Variants in ZNF778 observed in about 807,000 individuals in gnomAD.
The protein encoded by ZNF778 is zinc finger protein 778.
Under a neutral mutation model 23.9 loss-of-function variants are expected in ZNF778, and 37 were observed. That is an observed-to-expected ratio of 1.54 (90% CI 1.19 to 2.03). The LOEUF (loss-of-function observed/expected upper bound fraction) is 2.03. ZNF778 is among the 30% of genes most tolerant of loss of function. The pLI, the probability that ZNF778 is intolerant of heterozygous loss-of-function variation, is 0.00. For synonymous variants in ZNF778, 483 were observed against 343.9 expected (o/e 1.40, Z -4.48); for missense variants, 1,297 against 934.4 (o/e 1.39, Z -5.06).
Position 89,232,850 on chromosome 16 carries a change from G to A in ZNF778, c.*4288G>A, listed in dbSNP as rs1170079099. On this transcript the variant is annotated 3_prime_UTR_variant, in exon 7 of 7. Transcript: ENST00000433976. ...CCGTATATGCAACTCAACTCACACC[G>A]TGTATGCAAATCAACTCGCACTGCG... The A allele has an allele frequency of 2.3e-5, 30 of 1,288,958 alleles. No homozygotes were observed. Among genetic ancestry groups the A allele is most frequent in the Non-Finnish European group, 2.7e-5 (27 of 988,646 alleles). 79.8% of individuals were successfully genotyped at this position (1,288,958 alleles called of 1,614,324 possible).
Position 89,223,219 on chromosome 16 carries a change from C to T in ZNF778, c.180C>T (p.Asp60=), listed in dbSNP as rs755373982. 6.2e-7 allele frequency: 1 copy of T among 1,614,026 alleles called. No homozygotes were observed. The highest frequency in any genetic ancestry group is 8.5e-7 in the Non-Finnish European group (1 of 1,179,958). ...CCCAGGAGGAATGGACTTTACTGGA[C>T]CCATCTCAGAGAGACCTCTACAGAG... ...DFTQEEWTLL[D]PSQRDLYRDV... is the part of the protein sequence containing the mutation. The change falls in exon 4 of 7, where the codon GAC becomes GAT. Residue 60 remains aspartate (D), a synonymous_variant. Coordinates refer to ENST00000433976, the MANE Select transcript of ZNF778 (RefSeq NM_001201407.2).
chr16:89,220,289 G>T (rs56051960), intron 1 of ZNF778, among the ~76,000 whole-genome samples: 14,630 of 152,178 alleles, frequency 0.096, 927 homozygotes, highest in African/African-American at 0.18. Flanking sequence ...TCACCTCATC[G>T]GTAGAATAAG....
At position 89,228,241 on chromosome 16, in the gene ZNF778, G is replaced by A; in HGVS notation, c.1953G>A (p.Gly651=). Residue 651 remains glycine (G), a synonymous_variant, in exon 7 of 7, where the codon GGG becomes GGA. Coordinates refer to ENST00000433976, the MANE Select transcript of ZNF778 (RefSeq NM_001201407.2). The part of the protein sequence containing the change: ...GEKPYICKEC[G]KAFASSSHLI... ...AACCCTACATATGTAAGGAGTGTGG[G>A]AAAGCCTTTGCTTCCTCCTCACACC... 3.1e-6 allele frequency: 5 copies of A among 1,614,002 alleles called. No homozygotes were observed. Among genetic ancestry groups the A allele is most frequent in the Admixed American group, 1.7e-5 (1 of 60,010 alleles).
At position 89,231,215 on chromosome 16, in the gene ZNF778, G is replaced by C. The variant is rs114143136; in HGVS notation, c.*2653G>C. The C allele has an allele frequency of 4.6e-5, 7 of 152,278 alleles. No individual in the cohort carries two copies. The highest frequency in any genetic ancestry group is 1.0e-4 in the Non-Finnish European group (7 of 68,080). The allele number at this position is 152,278 out of a possible 1,614,324, so 9.4% of individuals were successfully genotyped here. On this transcript the variant is annotated 3_prime_UTR_variant, in exon 7 of 7. Transcript: ENST00000433976. ...AGATTAGCGGGAACCAGCTTGTGGGGTTGTAGCGGCTCCTGGACTGGTCTC... is the reference window on the plus strand; with the variant it reads ...AGATTAGCGGGAACCAGCTTGTGGGCTTGTAGCGGCTCCTGGACTGGTCTC...
intron 5 of ZNF778, among the ~76,000 whole-genome samples, chr16:89,225,134 G>C (rs1433560071): frequency 3.2e-5 from 1 of 30,772 alleles, no homozygotes; most frequent in Non-Finnish European, 6.2e-5. Flanking sequence ...TTTTTTTTTT[G>C]AGACGGAGTC....
Position 89,233,779 on chromosome 16 carries a change from C to T in ZNF778, c.*5217C>T. 6.3e-6 allele frequency: 8 copies of T among 1,264,666 alleles called. No individual in the cohort carries two copies. The highest frequency in any genetic ancestry group is 8.3e-6 in the Non-Finnish European group (8 of 969,506). The allele number at this position is 1,264,666 out of a possible 1,614,324, so 78.3% of individuals were successfully genotyped here. On this transcript the variant is annotated 3_prime_UTR_variant, in exon 7 of 7. Coordinates refer to ENST00000433976, the MANE Select transcript of ZNF778 (RefSeq NM_001201407.2). ...CGCACTGCGTATGCAACTCAACTCG[C>T]ACTGCGTATGCAACTCAGCTCGCAC...
At chr16:89,226,070 C>T (rs1258624838) in intron 6 of ZNF778, among the ~76,000 whole-genome samples, 3 of 152,130 alleles carry the variant, frequency 2.0e-5, no homozygotes, top group South Asian at 2.1e-4. Context: ...TGCCACCATG[C>T]CCAGCTAATT....
intron 2 of ZNF778, among the ~76,000 whole-genome samples, 192 bp from the exon 3 acceptor site, chr16:89,221,896 TTGTG>T (rs1232243435): frequency 4.0e-5 from 6 of 150,028 alleles, no homozygotes; most frequent in Non-Finnish European, 8.9e-5. Context: ...CTGTATGGCT[TTGTG>T]TGTGTGTTTT....
At chr16:89,220,001 T>A (rs2030763469) in intron 1 of ZNF778, among the ~76,000 whole-genome samples, 2 of 152,234 alleles carry the variant, frequency 1.3e-5, no homozygotes, top group Admixed American at 1.3e-4. Context: ...TAAAATGTGT[T>A]CATTTTCTGT....
Position 89,232,618 on chromosome 16 carries a change from T to TA in ZNF778, c.*4059dup, listed in dbSNP as rs2031983453. On this transcript the variant is annotated 3_prime_UTR_variant, in exon 7 of 7. Coordinates refer to ENST00000433976, the MANE Select transcript of ZNF778 (RefSeq NM_001201407.2). ...GGTTCCTCAGAGTAAGATAAAATAT[T>TA]AAAGGACCAATTGTATTAATTATGT... The TA allele has an allele frequency of 8.4e-7, 1 of 1,192,714 alleles. No homozygotes were observed. Among genetic ancestry groups the TA allele is most frequent in the African/African-American group, 1.6e-5 (1 of 61,466 alleles). The allele number at this position is 1,192,714 out of a possible 1,614,324, so 73.9% of individuals were successfully genotyped here. A position where few individuals can be genotyped will look rare whatever the true frequency, so the allele number is the denominator to read the frequency against.
chr16:89,220,396 G>A (rs902855348), intron 1 of ZNF778, among the ~76,000 whole-genome samples: 8 of 152,186 alleles, frequency 5.3e-5, no homozygotes, highest in Admixed American at 1.3e-4. Context: ...GGTGGCTCAC[G>A]CCTGTAATCT....
At chr16:89,226,294 C>T (rs1433278720) in intron 6 of ZNF778, among the ~76,000 whole-genome samples, 1 of 152,094 alleles carries the variant, frequency 6.6e-6, no homozygotes, top group Non-Finnish European at 1.5e-5. Flanking sequence ...CAACCTCTGC[C>T]TCCCTGGTTC....
intron 4 of ZNF778, 118 bp downstream of exon 4, chr16:89,223,401 C>A: frequency 7.1e-7 from 1 of 1,410,294 alleles, no homozygotes; most frequent in South Asian, 1.2e-5. Flanking sequence ...GATATAACAA[C>A]TGTGCTAGTA....
rs2031231097 is a variant in ZNF778 at position 89,224,075 on chromosome 16, G to T, written c.245-644G>T. Among the ~76,000 whole-genome samples the T allele has an allele frequency of 4.0e-5, 6 of 151,328 alleles. No individual in the cohort carries two copies. The South Asian group carries it at 1.2e-3, about 31-fold the overall frequency. On this transcript the variant is annotated intron_variant, in intron 4 of 6. Coordinates refer to ENST00000433976, the MANE Select transcript of ZNF778 (RefSeq NM_001201407.2). Reference sequence around the variant, plus strand: ...GGCTGTAATCCGAGCACTCTGGGAGGCTGGGTGCAGTGGCTCAGGGCTGTA... The same window carrying T: ...GGCTGTAATCCGAGCACTCTGGGAGTCTGGGTGCAGTGGCTCAGGGCTGTA...
At position 89,233,863 on chromosome 16, in the gene ZNF778, A is replaced by G. The variant is rs1340392413; in HGVS notation, c.*5301A>G. 1.6e-6 allele frequency: 2 copies of G among 1,289,750 alleles called. No individual in the cohort carries two copies. Among genetic ancestry groups the G allele is most frequent in the Admixed American group, 4.6e-5 (2 of 43,560 alleles). 79.9% of individuals were successfully genotyped at this position (1,289,750 alleles called of 1,614,324 possible). ...TTCCGGCCACTTCCTTTTTCTAACT[A>G]CCACACCAAGCCAGTATTTCTCCTC... is the stretch of plus-strand genomic sequence containing the variant. On this transcript the variant is annotated 3_prime_UTR_variant, in exon 7 of 7. Transcript: ENST00000433976.
In ZNF778 at chr16:89,232,702, C is replaced by G; in HGVS notation, c.*4140C>G. 1 of 1,264,176 alleles carries G rather than the reference C, an allele frequency of 7.9e-7. No homozygotes were observed. Among genetic ancestry groups the G allele is most frequent in the Admixed American group, 2.3e-5 (1 of 42,768 alleles). The allele number at this position is 1,264,176 out of a possible 1,614,324, so 78.3% of individuals were successfully genotyped here. ...TGGGGTCTTGCTGTGGGGGCTAGAC[C>G]GTCCCTCTCAGGCTAGATCATTCCT... On this transcript the variant is annotated 3_prime_UTR_variant, in exon 7 of 7. Coordinates refer to ENST00000433976, the MANE Select transcript of ZNF778 (RefSeq NM_001201407.2).
rs2032216476 is a variant in ZNF778, at chr16:89,235,751, G to GAT, written c.*7190_*7191dup. The GAT allele has an allele frequency of 6.6e-6, 1 of 152,176 alleles. No homozygotes were observed. The highest frequency in any genetic ancestry group is 2.1e-4 in the South Asian group (1 of 4,830). 9.4% of individuals were successfully genotyped at this position (152,176 alleles called of 1,614,324 possible). The stretch of plus-strand genomic sequence containing the variant: ...ATCCTGGAAGAAAAGGAGAAAGTGT[G>GAT]ATGTAGTAAAACCACTTGAAAAAAT... On this transcript the variant is annotated 3_prime_UTR_variant, in exon 7 of 7. Coordinates refer to ENST00000433976, the MANE Select transcript of ZNF778 (RefSeq NM_001201407.2).
rs575141439 is a variant in ZNF778, at chr16:89,227,057, C to A, written c.769C>A (p.Pro257Thr). Residue 257 changes from proline (P) to threonine (T), a missense_variant, in exon 7 of 7, where the codon CCG becomes ACG. Physicochemically the swap from Pro to Thr is conservative, Grantham distance 38. Transcript: ENST00000433976. ...CGGAGAAGAAACATGGAAATGGAAG[C>A]CGTGTGGGAAAGCTCTAACTCACTC... ...HNGEETWKWKPCGKALTHSMG... is the reference protein window; with the variant it reads ...HNGEETWKWKTCGKALTHSMG... The A allele has an allele frequency of 1.2e-6, 2 of 1,613,980 alleles. No homozygotes were observed. The highest frequency in any genetic ancestry group is 2.7e-5 in the African/African-American group (2 of 75,056).
chr16:89,233,564 C>G lies in ZNF778; in HGVS notation c.*5002C>G. The G allele has an allele frequency of 1.6e-6, 2 of 1,280,810 alleles. No homozygotes were observed. The highest frequency in any genetic ancestry group is 2.5e-5 in the South Asian group (2 of 80,218). 79.3% of individuals were successfully genotyped at this position (1,280,810 alleles called of 1,614,324 possible). A position where few individuals can be genotyped will look rare whatever the true frequency, so the allele number is the denominator to read the frequency against. ...GCAAATCAACTCACTGCATATGCAA[C>G]TCAGCTCGCACTGCATATGCAACGC... On this transcript the variant is annotated 3_prime_UTR_variant, in exon 7 of 7. Coordinates refer to ENST00000433976, the MANE Select transcript of ZNF778 (RefSeq NM_001201407.2).
Sources: gnomAD v4.1 joint callset for allele counts (sites outside exome capture counted in the v4.1 genomes callset) on GRCh38, gnomAD v4.1.1 for gene constraint, MANE v1.5 for transcripts, NCBI Gene and HGNC (gene_info 2026-07-23, HGNC 2026-07-21) for gene names.